PKHD1: variants seen among roughly 807,000 people sequenced by gnomAD.
PKHD1 encodes the protein PKHD1 ciliary IPT domain containing fibrocystin/polyductin, also known as fibrocystin.
A neutral mutation model predicts 412.0 loss-of-function variants in PKHD1; 291 were observed. The ratio of observed to expected loss-of-function variants is 0.71; its 90% CI spans 0.64 to 0.78. The LOEUF is 0.78. PKHD1 is among the 30% of genes least tolerant of loss of function. The pLI, the probability that PKHD1 is intolerant of heterozygous loss-of-function variation, is 0.00. For synonymous variants in PKHD1, 1,777 were observed against 1,821.5 expected, an observed-to-expected ratio of 0.98 and a Z score of 0.62; for missense variants, 4,825 against 4,950.7, an observed-to-expected ratio of 0.97 and a Z score of 0.76.
intron 6 of PKHD1, among the ~76,000 whole-genome samples, chr6:52,075,032 A>C (rs1055859414): frequency 1.3e-5 from 2 of 152,132 alleles, no homozygotes; most frequent in Admixed American, 6.5e-5. Flanking sequence ...CCCTAACAAG[A>C]CTTCTGCCAT....
intron 48 of PKHD1, among the ~76,000 whole-genome samples, chr6:51,867,079 A>C (rs1775188724): frequency 6.6e-6 from 1 of 152,188 alleles, no homozygotes; most frequent in African/African-American, 2.4e-5. Context: ...CCTGAAGTTT[A>C]CTTGTTCAAG....
At chr6:52,062,031 A>G (rs1187552771) in intron 14 of PKHD1, among the ~76,000 whole-genome samples, 1 of 152,204 alleles carries the variant, frequency 6.6e-6, no homozygotes, top group African/African-American at 2.4e-5. Context: ...ACAATGTCTC[A>G]CAGAACCCGC....
intron 29 of PKHD1, 125 bp from the exon 30 acceptor site, chr6:52,028,476 G>T: frequency 1.1e-6 from 1 of 872,636 alleles, no homozygotes. Flanking sequence ...ACTCTTAAGA[G>T]TTACGATACC....
intron 35 of PKHD1, among the ~76,000 whole-genome samples, chr6:51,967,654 A>ATGTGTGTG (rs35495373): frequency 6.8e-6 from 1 of 147,152 alleles, no homozygotes; most frequent in African/African-American, 2.6e-5. Flanking sequence ...GTGTGTGTGT[A>ATGTGTGTG]TGTGTGTGTG....
Position 52,069,464 on chromosome 6 carries a change from T to C in PKHD1, c.771A>G (p.Thr257=). 6.2e-7 allele frequency: 1 copy of C among 1,608,550 alleles called. No homozygotes were observed. The highest frequency in any genetic ancestry group is 2.2e-5 in the East Asian group (1 of 44,854). ...GGTGAAGGGGGATAGTACCTGAGTG[T>C]GTCTGGTATAGGAAAAGATCCTGTT... The part of the protein sequence containing the change: ...SAKQDLFLYQ[T]HSEILSVFPE... The change falls in exon 11 of 67, where the codon ACA becomes ACG. Residue 257 remains threonine, a synonymous_variant. Coordinates refer to ENST00000371117, the MANE Select transcript of PKHD1 (RefSeq NM_138694.4).
intron 36 of PKHD1, among the ~76,000 whole-genome samples, chr6:51,959,502 C>A (rs1054206407): frequency 6.6e-6 from 1 of 152,012 alleles, no homozygotes; most frequent in Non-Finnish European, 1.5e-5. Flanking sequence ...GCTTTCTTGG[C>A]AGGGTATTTC....
chr6:52,012,805 A>G (rs1422422352), intron 34 of PKHD1, among the ~76,000 whole-genome samples: 1 of 152,218 alleles, frequency 6.6e-6, no homozygotes, highest in Non-Finnish European at 1.5e-5. Context: ...TTATAAACCT[A>G]TCAGAAAGGA....
rs146157566 is a variant in PKHD1 at position 51,881,815 on chromosome 6, C to A, written c.7350+1278G>T. Among the ~76,000 whole-genome samples the A allele has an allele frequency of 2.7e-3, 407 of 152,262 alleles. 3 individuals are homozygous for A. Among genetic ancestry groups the A allele is most frequent in the Middle Eastern group, 0.01 (3 of 294 alleles). ...TTTTATGATTTGGATAACTAACCAG[C>A]ATCTAGACATCCCCTAGAACAAAAC... is the stretch of plus-strand genomic sequence containing the variant. On this transcript the variant is annotated intron_variant, in intron 46 of 66. Transcript: ENST00000371117.
At chr6:52,004,914 C>T (rs1798865315) in intron 35 of PKHD1, among the ~76,000 whole-genome samples, 1 of 152,158 alleles carries the variant, frequency 6.6e-6, no homozygotes, top group Non-Finnish European at 1.5e-5. Flanking sequence ...CAGAAATATA[C>T]TCACTACATG....
Position 51,747,981 on chromosome 6 carries a change from AAAG to A in PKHD1, c.9632_9634del (p.Ser3211del), listed in dbSNP as rs1785448726. 1 of 1,613,974 alleles carries A rather than the reference AAAG, an allele frequency of 6.2e-7. No individual in the cohort carries two copies. Among genetic ancestry groups the A allele is most frequent in the South Asian group, 1.1e-5 (1 of 91,084 alleles). On this transcript the variant is annotated inframe_deletion, in exon 58 of 67. Transcript: ENST00000371117. The stretch of plus-strand genomic sequence containing the variant: ...CTTCACTTTGTCCTGAATGCAGTCA[AAAG>A]AAGAGCTGGTGGCCACAATGACTGA...
chr6:52,049,460 CTG>C (rs1342577163), intron 22 of PKHD1, among the ~76,000 whole-genome samples: 10 of 152,090 alleles, frequency 6.6e-5, no homozygotes, highest in African/African-American at 2.4e-4. Context: ...CATATATACA[CTG>C]TGAATATATA....
chr6:51,721,265 G>T, intron 60 of PKHD1: 1 of 946,700 alleles, frequency 1.1e-6, no homozygotes, highest in Non-Finnish European at 1.3e-6. Context: ...CAATATTCTT[G>T]GTAATAAACT....
At position 51,887,172 on chromosome 6, in the gene PKHD1, A is replaced by T. The variant is rs777960195; in HGVS notation, c.7070T>A (p.Leu2357His). 6.2e-7 allele frequency: 1 copy of T among 1,613,376 alleles called. No homozygotes were observed. Among genetic ancestry groups the T allele is most frequent in the Non-Finnish European group, 8.5e-7 (1 of 1,179,300 alleles). ...TGCAATGTTCTGAGTGAAGGAAAGA[A>T]GCGGAGCTTGTGATGTTTGGTTGGT... ...LMTNQTSQAPLLSFTQNIAHS... is the reference protein window; with the variant it reads ...LMTNQTSQAPHLSFTQNIAHS... Residue 2357 changes from leucine to histidine, a missense_variant, in exon 44 of 67, where the codon CTT (leucine) becomes CAT (histidine). By Grantham distance (99) the Leu-to-His change is moderately conservative. Coordinates refer to ENST00000371117, the MANE Select transcript of PKHD1 (RefSeq NM_138694.4).
chr6:52,054,303 C>A, intron 19 of PKHD1, 138 bp from the exon 20 acceptor site: 1 of 736,978 alleles, frequency 1.4e-6, no homozygotes, highest in Non-Finnish European at 2.3e-6. Context: ...CCTTCCAGAG[C>A]TTACCAGTGT....
At chr6:51,989,805 A>G (rs1401171558) in intron 35 of PKHD1, among the ~76,000 whole-genome samples, 1 of 146,940 alleles carries the variant, frequency 6.8e-6, no homozygotes, top group African/African-American at 2.5e-5. Flanking sequence ...ACTCCCAGTA[A>G]TAACTCAAGG....
Position 51,798,622 on chromosome 6 carries a change from G to A in PKHD1, c.8303-7249C>T, listed in dbSNP as rs575873376. Among the ~76,000 whole-genome samples, 86 of 152,202 alleles carry A rather than the reference G, an allele frequency of 5.7e-4. No homozygotes were observed. The South Asian group carries it at 0.018, about 32-fold the overall frequency. On this transcript the variant is annotated intron_variant, in intron 52 of 66. Coordinates refer to ENST00000371117, the MANE Select transcript of PKHD1 (RefSeq NM_138694.4). The stretch of plus-strand genomic sequence containing the variant: ...GTCTACGGAATGATCTTCTCATGGA[G>A]TACCTTACTGGGGTTCTCCGCATTT...
chr6:52,053,718 T>C (rs1807251232), intron 20 of PKHD1, among the ~76,000 whole-genome samples: 1 of 152,306 alleles, frequency 6.6e-6, no homozygotes, highest in Admixed American at 6.5e-5. Flanking sequence ...TGAATTTTGA[T>C]GAATCACAAA....
chr6:51,971,357 C>T lies in PKHD1; in HGVS notation c.5752-11331G>A, dbSNP rs147098881. ...TTTTCCCTCTTTATTAAAGTTACTG[C>T]TCAAAAGCATAAATAACAGCAAGAA... On this transcript the variant is annotated intron_variant, in intron 35 of 66. Coordinates refer to ENST00000371117, the MANE Select transcript of PKHD1 (RefSeq NM_138694.4). 4.4e-3 allele frequency among the ~76,000 whole-genome samples: 666 copies of T among 152,218 alleles called. 8 individuals carry two copies. The highest frequency in any genetic ancestry group is 0.015 in the African/African-American group (636 of 41,526).
At position 51,659,898 on chromosome 6, in the gene PKHD1, G is replaced by T. The variant is rs746976599; in HGVS notation, c.10228C>A (p.Gln3410Lys). ...MQGFICKQTD[Q>K]VVLILDSADA... is the part of the protein sequence containing the mutation. Reference sequence around the variant, plus strand: ...GCGCTATCAAGAATTAGGACCACTTGGTCAGTCTGTTTGCAGATGAATCCT... The same window carrying T: ...GCGCTATCAAGAATTAGGACCACTTTGTCAGTCTGTTTGCAGATGAATCCT... The change falls in exon 61 of 67, where the codon CAA (glutamine) becomes AAA (lysine). Residue 3410 changes from glutamine to lysine, a missense_variant. Transcript: ENST00000371117. The T allele has an allele frequency of 1.2e-6, 2 of 1,612,376 alleles. No individual in the cohort carries two copies. The highest frequency in any genetic ancestry group is 1.1e-5 in the South Asian group (1 of 91,038).
Sources: gnomAD v4.1 joint callset for allele counts (sites outside exome capture counted in the v4.1 genomes callset) on GRCh38, gnomAD v4.1.1 for gene constraint, MANE v1.5 for transcripts, NCBI Gene and HGNC (gene_info 2026-07-23, HGNC 2026-07-21) for gene names.